Variants in PCDHA5 observed in about 807,000 individuals in gnomAD.
PCDHA5 encodes protocadherin alpha 5.
In PCDHA5, 43 loss-of-function variants were observed where a neutral mutation model predicts 61.6. That is an observed-to-expected ratio of 0.70 (90% CI 0.55 to 0.90). The LOEUF (loss-of-function observed/expected upper bound fraction) is 0.90, where lower values mean the gene tolerates loss of function less well. Among genes scored for constraint, PCDHA5 ranks in the 40% least tolerant of loss-of-function variants. The pLI is 0.00. For synonymous variants in PCDHA5, 627 were observed against 543.9 expected (o/e 1.15, Z -2.13); for missense variants, 1,298 against 1,222.7 (o/e 1.06, Z -0.92).
intron 1 of PCDHA5, among the ~76,000 whole-genome samples, chr5:140,914,730 C>T (rs2076816445): frequency 6.6e-6 from 1 of 151,438 alleles, no homozygotes; most frequent in Non-Finnish European, 1.5e-5. Context: ...TTTTGTGTAT[C>T]CATTGTATGT....
intron 1 of PCDHA5, chr5:140,849,218 G>A (rs2150433092): frequency 1.9e-6 from 2 of 1,040,734 alleles, no homozygotes; most frequent in South Asian, 3.2e-5. Context: ...ATGCCCCAGT[G>A]TTCGACAGAA....
At chr5:140,965,876 C>T (rs1416182822) in intron 1 of PCDHA5, among the ~76,000 whole-genome samples, 1 of 152,152 alleles carries the variant, frequency 6.6e-6, no homozygotes, top group African/African-American at 2.4e-5. Flanking sequence ...GCCACTTGGC[C>T]GAGAGCAGAA....
At chr5:140,846,491 C>T (rs1471835490) in intron 1 of PCDHA5, among the ~76,000 whole-genome samples, 1 of 146,532 alleles carries the variant, frequency 6.8e-6, no homozygotes, top group Non-Finnish European at 1.5e-5. Context: ...TCTCCTTCCT[C>T]AGCCTCCCAA....
At chr5:140,979,836 T>C (rs1463731318) in intron 2 of PCDHA5, among the ~76,000 whole-genome samples, 2 of 152,216 alleles carry the variant, frequency 1.3e-5, no homozygotes, top group Non-Finnish European at 2.9e-5. Flanking sequence ...GAAGAAATAA[T>C]CTTCAAACTT....
chr5:140,857,377 G>C (rs1347476888), intron 1 of PCDHA5: 3 of 1,598,472 alleles, frequency 1.9e-6, no homozygotes, highest in Non-Finnish European at 1.7e-6. Flanking sequence ...TGTCTGTGGA[G>C]GTGGCCGACG....
chr5:140,949,074 C>T (rs2094343019), intron 1 of PCDHA5, among the ~76,000 whole-genome samples: 1 of 151,780 alleles, frequency 6.6e-6, no homozygotes, highest in African/African-American at 2.4e-5. Flanking sequence ...AACTCTTTCA[C>T]CCATTTATTA....
intron 1 of PCDHA5, among the ~76,000 whole-genome samples, chr5:140,891,795 A>T (rs2063252569): frequency 6.6e-6 from 1 of 152,178 alleles, no homozygotes; most frequent in South Asian, 2.1e-4. Flanking sequence ...ATTATGAGGG[A>T]TCTGCCCTCA....
intron 1 of PCDHA5, chr5:140,835,610 G>A (rs2150239462): frequency 1.9e-6 from 3 of 1,613,948 alleles, no homozygotes; most frequent in Non-Finnish European, 2.5e-6. Context: ...CATTGGTGCT[G>A]GACAGCGCTC....
rs1029317869 is a variant in PCDHA5 at position 140,928,735 on chromosome 5, A to G, written c.2353-50214A>G. ...TAGTCTCTTTAGAATTTCAGCCAAT[A>G]TAGGTGAGCTCCGTACTGCTCGCTT... On this transcript the variant is annotated intron_variant, in intron 1 of 3. Coordinates refer to ENST00000529859, the MANE Select transcript of PCDHA5 (RefSeq NM_018908.3). 35 of 1,614,082 alleles carry G rather than the reference A, an allele frequency of 2.2e-5. No individual in the cohort carries two copies. The highest frequency in any genetic ancestry group is 2.9e-5 in the Non-Finnish European group (34 of 1,180,020).
intron 1 of PCDHA5, among the ~76,000 whole-genome samples, chr5:140,885,133 T>G (rs2060482847): frequency 6.6e-6 from 1 of 152,216 alleles, no homozygotes; most frequent in Admixed American, 6.5e-5. Context: ...CTTTCTTTCT[T>G]TTTTTAAACT....
At chr5:140,970,156 T>G (rs933887683) in intron 1 of PCDHA5, among the ~76,000 whole-genome samples, 1 of 152,188 alleles carries the variant, frequency 6.6e-6, no homozygotes, top group Non-Finnish European at 1.5e-5. Flanking sequence ...CTCCCAATAG[T>G]CACCTTTCTT....
chr5:140,914,229 TA>T (rs1253173765), intron 1 of PCDHA5, among the ~76,000 whole-genome samples: 3 of 152,224 alleles, frequency 2.0e-5, no homozygotes, highest in Non-Finnish European at 4.4e-5. Flanking sequence ...GCTCTAATAC[TA>T]TTTGCTTTTT....
intron 1 of PCDHA5, among the ~76,000 whole-genome samples, chr5:140,892,705 T>C (rs1395351366): frequency 6.6e-6 from 1 of 152,210 alleles, no homozygotes; most frequent in Non-Finnish European, 1.5e-5. Flanking sequence ...TCAGGGTAAT[T>C]AGCATATTCA....
intron 1 of PCDHA5, chr5:140,928,544 A>G (rs1554205985): frequency 3.1e-6 from 5 of 1,614,062 alleles, no homozygotes; most frequent in Middle Eastern, 1.6e-4. Flanking sequence ...AGGAATGACA[A>G]TTATCCGGTT....
intron 1 of PCDHA5, among the ~76,000 whole-genome samples, chr5:140,886,052 CT>C (rs1247635205): frequency 6.6e-6 from 1 of 152,122 alleles, no homozygotes; most frequent in Non-Finnish European, 1.5e-5. Flanking sequence ...ATAGTAACAT[CT>C]TACAAAAGCG....
chr5:140,858,272 G>C, intron 1 of PCDHA5: 1 of 1,597,346 alleles, frequency 6.3e-7, no homozygotes, highest in Non-Finnish European at 8.6e-7. Flanking sequence ...GTGCTCTAGC[G>C]CGGTGGGGAG....
intron 1 of PCDHA5, among the ~76,000 whole-genome samples, chr5:140,910,407 C>T (rs781871391): frequency 6.6e-6 from 1 of 152,134 alleles, no homozygotes; most frequent in Non-Finnish European, 1.5e-5. Context: ...CCTGCCACCT[C>T]GAGATCCAAT....
rs2150184699 is a variant in PCDHA5, at chr5:140,830,304, C to G, written c.2352+6177C>G. On this transcript the variant is annotated intron_variant, in intron 1 of 3. Transcript: ENST00000529859. ...GGCGCGTGCACGGCGGACAAGCCCA[C>G]GCTGGTGTGCTCCAGCGCAGTGGGG... is the stretch of plus-strand genomic sequence containing the variant. 14 of 1,613,942 alleles carry G rather than the reference C, an allele frequency of 8.7e-6. No individual in the cohort carries two copies. Among genetic ancestry groups the G allele is most frequent in the Non-Finnish European group, 1.1e-5 (13 of 1,179,908 alleles).
In PCDHA5 at chr5:140,823,110, C is replaced by T. The variant is rs1554129143; in HGVS notation, c.1335C>T (p.Ala445=). 1.2e-6 allele frequency: 2 copies of T among 1,613,884 alleles called. No homozygotes were observed. The highest frequency in any genetic ancestry group is 1.7e-5 in the Admixed American group (1 of 60,006). Residue 445 remains alanine, a synonymous_variant, in exon 1 of 4, where the codon GCC becomes GCT. Transcript: ENST00000529859. ...CCGCCAGCGTGTCTGTGGAAGTGGC[C>T]GACGTGAACGACAACGCTCCGGCGT... ...WATASVSVEV[A]DVNDNAPAFA... is the part of the protein sequence containing the mutation.
Sources: gnomAD v4.1 joint callset for allele counts (sites outside exome capture counted in the v4.1 genomes callset) on GRCh38, gnomAD v4.1.1 for gene constraint, MANE v1.5 for transcripts, NCBI Gene and HGNC (gene_info 2026-07-23, HGNC 2026-07-21) for gene names.